Variants in KIF17 observed in about 807,000 individuals in gnomAD.
KIF17 encodes kinesin-like protein KIF17.
A neutral mutation model predicts 96.8 loss-of-function variants in KIF17; 80 were observed. The ratio of observed to expected loss-of-function variants is 0.83; its 90% CI spans 0.69 to 1.00. The LOEUF (loss-of-function observed/expected upper bound fraction) is 1.00, where lower values mean the gene tolerates loss of function less well. KIF17 is among the 50% of genes least tolerant of loss of function. The pLI, the probability that KIF17 is intolerant of heterozygous loss-of-function variation, is 0.00. For synonymous variants in KIF17, 567 were observed against 587.5 expected, an observed-to-expected ratio of 0.97 and a Z score of 0.51; for missense variants, 1,280 against 1,372.9, an observed-to-expected ratio of 0.93 and a Z score of 1.07.
At chr1:20,675,529 T>G (rs2053724072) in intron 11 of KIF17, among the ~76,000 whole-genome samples, 1 of 152,192 alleles carries the variant, frequency 6.6e-6, no homozygotes, top group South Asian at 2.1e-4. Context: ...TTGATCTGTG[T>G]GTCTGTCCTC....
chr1:20,666,123 T>A, intron 14 of KIF17, 91 bp downstream of exon 14: 1 of 1,015,432 alleles, frequency 9.8e-7, no homozygotes, highest in Non-Finnish European at 1.6e-6. Flanking sequence ...GAAAGGAGTT[T>A]TTGAACCCAG....
intron 2 of KIF17, among the ~76,000 whole-genome samples, chr1:20,714,777 A>T (rs2054546966): frequency 6.8e-6 from 1 of 147,652 alleles, no homozygotes; most frequent in Non-Finnish European, 1.5e-5. Flanking sequence ...AGCCTGGGTG[A>T]CAGAGCAAGA....
rs115933091 is a variant in KIF17, at chr1:20,683,035, G to A, written c.2232-151C>T. ...GGAAACCGAGGCTCGGCGACAGGAC[G>A]CTGCTTGCTCAGGGTCACAACCAGG... On this transcript the variant is annotated intron_variant, in intron 10 of 14. Transcript: ENST00000400463. The A allele has an allele frequency of 3.8e-3, 2,537 of 665,080 alleles. 49 individuals are homozygous for A. The African/African-American group carries it at 0.04, about 10-fold the overall frequency. 41.2% of individuals were successfully genotyped at this position (665,080 alleles called of 1,614,324 possible).
chr1:20,696,306 T>C (rs1189991378), intron 6 of KIF17, among the ~76,000 whole-genome samples: 1 of 151,126 alleles, frequency 6.6e-6, no homozygotes, highest in Non-Finnish European at 1.5e-5. Flanking sequence ...GCTCAATAAA[T>C]ATGAGAGTTG....
At chr1:20,695,631 G>A (rs1183065990) in intron 6 of KIF17, among the ~76,000 whole-genome samples, 5 of 151,994 alleles carry the variant, frequency 3.3e-5, no homozygotes, top group Non-Finnish European at 7.3e-5. Flanking sequence ...AAGTCACAGA[G>A]AACAGGGAGG....
At chr1:20,696,111 T>A (rs1253682614) in intron 6 of KIF17, among the ~76,000 whole-genome samples, 1 of 152,042 alleles carries the variant, frequency 6.6e-6, no homozygotes, top group Admixed American at 6.6e-5. Flanking sequence ...ACAGAGCCCA[T>A]AAGGATGGAC....
chr1:20,661,672 G>A (rs2053438209), downstream of KIF17: 1 of 457,098 alleles, frequency 2.2e-6, no homozygotes, highest in Non-Finnish European at 3.9e-6. Context: ...CGCCCAGGCC[G>A]GCCTCCCGCC....
intron 13 of KIF17, among the ~76,000 whole-genome samples, chr1:20,667,915 C>G (rs768457226): frequency 1.3e-5 from 2 of 151,946 alleles, no homozygotes; most frequent in Non-Finnish European, 2.9e-5. Context: ...GAGGCTGAGG[C>G]AAGAGGATCG....
rs184160891 is a variant in KIF17 at position 20,690,340 on chromosome 1, G to T, written c.1234-5C>A. The T allele has an allele frequency of 6.3e-6, 10 of 1,598,526 alleles. No homozygotes were observed. Among genetic ancestry groups the T allele is most frequent in the East Asian group, 2.2e-5 (1 of 44,578 alleles). ...GGCCAGGCGCTCTTCATACTCCTGGGGGGGTGGGAGGGACCAGAGGGCAGG... is the reference window on the plus strand; with the variant it reads ...GGCCAGGCGCTCTTCATACTCCTGGTGGGGTGGGAGGGACCAGAGGGCAGG... On this transcript the variant is annotated splice_polypyrimidine_tract_variant and splice_region_variant and intron_variant, in intron 6 of 14. Transcript: ENST00000400463.
intron 11 of KIF17, among the ~76,000 whole-genome samples, chr1:20,677,343 C>G (rs2053755524): frequency 6.6e-6 from 1 of 152,204 alleles, no homozygotes; most frequent in South Asian, 2.1e-4. Flanking sequence ...TGACATCGAG[C>G]AAAATCACAC....
rs564106241 is a variant in KIF17 at position 20,683,152 on chromosome 1, C to T, written c.2232-268G>A. Among the ~76,000 whole-genome samples the T allele has an allele frequency of 1.4e-4, 22 of 152,332 alleles. No homozygotes were observed. The East Asian group carries it at 1.5e-3, about 11-fold the overall frequency. The stretch of plus-strand genomic sequence containing the variant: ...GGGCTCAGCTAACCCACCCCTGACC[C>T]GTGGACTTCCCACGCTGGTGCTCCC... On this transcript the variant is annotated intron_variant, in intron 10 of 14. Coordinates refer to ENST00000400463, the MANE Select transcript of KIF17 (RefSeq NM_001122819.3).
Position 20,664,714 on chromosome 1 carries a change from G to C in KIF17, c.2957C>G (p.Ser986Cys). The change falls in exon 15 of 15, where the codon TCT (serine) becomes TGT (cysteine). Residue 986 changes from serine (S) to cysteine (C), a missense_variant. Transcript: ENST00000400463. ...AGGGGCCTGGGTGGGTGGGATGGCAGAGTTGTTGCTGAGTGGGCAGCTGAG... is the reference window on the plus strand; with the variant it reads ...AGGGGCCTGGGTGGGTGGGATGGCACAGTTGTTGCTGAGTGGGCAGCTGAG... ...PGLSCPLSNN[S>C]AIPPTQAPEM... The C allele has an allele frequency of 6.2e-7, 1 of 1,612,624 alleles. No individual in the cohort carries two copies. Among genetic ancestry groups the C allele is most frequent in the Non-Finnish European group, 8.5e-7 (1 of 1,179,862 alleles).
chr1:20,713,153 G>A (rs1002502015), intron 3 of KIF17, among the ~76,000 whole-genome samples: 24 of 150,282 alleles, frequency 1.6e-4, no homozygotes, highest in Admixed American at 2.0e-4. Flanking sequence ...GCACCACCAC[G>A]CCCAGCTAGT....
At position 20,689,788 on chromosome 1, in the gene KIF17, G is replaced by A. The variant is rs201828533; in HGVS notation, c.1381+400C>T. Reference sequence around the variant, plus strand: ...AGAGGCTCAAAAGTAAGAGGAGACCGGAAAACACAGCAATTCGGGGCAGGG... The same window carrying A: ...AGAGGCTCAAAAGTAAGAGGAGACCAGAAAACACAGCAATTCGGGGCAGGG... On this transcript the variant is annotated intron_variant, in intron 7 of 14. Transcript: ENST00000400463. Among the ~76,000 whole-genome samples, 7 of 127,418 alleles carry A rather than the reference G, an allele frequency of 5.5e-5. No individual in the cohort carries two copies. The East Asian group carries it at 5.9e-4, about 11-fold the overall frequency. 83.6% of individuals were successfully genotyped at this position (127,418 alleles called of 152,430 possible).
downstream of KIF17, among the ~76,000 whole-genome samples, chr1:20,663,255 C>T (rs1174441922): frequency 6.6e-6 from 1 of 152,098 alleles, no homozygotes; most frequent in East Asian, 1.9e-4. Context: ...TTTAAAAGAC[C>T]TGATCTCACC....
chr1:20,702,405 G>A (rs988464472), intron 5 of KIF17, among the ~76,000 whole-genome samples: 21 of 152,162 alleles, frequency 1.4e-4, no homozygotes, highest in Admixed American at 7.2e-4. Flanking sequence ...GGGTGCGGGG[G>A]CCGCGGGCCG....
chr1:20,690,520 T>TTTTTG (rs1297598562), intron 6 of KIF17, among the ~76,000 whole-genome samples, 185 bp from the exon 7 acceptor site: 1 of 151,938 alleles, frequency 6.6e-6, no homozygotes, highest in Non-Finnish European at 1.5e-5. Context: ...TCTCAATGCT[T>TTTTTG]TTTTGTTTTG....
chr1:20,661,651 G>A (rs1323852032), downstream of KIF17: 3 of 500,944 alleles, frequency 6.0e-6, no homozygotes, highest in South Asian at 3.1e-5. Context: ...GAGGCCGAGC[G>A]CCCTTTGCTC....
chr1:20,697,387 C>T (rs1247114103), intron 6 of KIF17, among the ~76,000 whole-genome samples: 1 of 152,110 alleles, frequency 6.6e-6, no homozygotes, highest in Non-Finnish European at 1.5e-5. Context: ...GTGGGAGGAT[C>T]TCTTGAGCCC....
Sources: gnomAD v4.1 joint callset for allele counts (sites outside exome capture counted in the v4.1 genomes callset) on GRCh38, gnomAD v4.1.1 for gene constraint, MANE v1.5 for transcripts, NCBI Gene and HGNC (gene_info 2026-07-23, HGNC 2026-07-21) for gene names.